The following SH3PXD2A variants were observed in gnomAD, a reference collection of about 807,000 sequenced individuals.
The protein encoded by SH3PXD2A is SH3 and PX domain-containing protein 2A.
SH3PXD2A carries 32 observed loss-of-function variants against 115.2 expected under a neutral mutation model. That is an observed-to-expected ratio of 0.28 (90% CI 0.21 to 0.37). The LOEUF (loss-of-function observed/expected upper bound fraction) is 0.37, where lower values mean the gene tolerates loss of function less well. Ranked by LOEUF, SH3PXD2A falls within the 10% of genes least tolerant of loss-of-function variation. SH3PXD2A has a pLI of 1.00. For missense variants in SH3PXD2A, 1,328 were observed against 1,498.7 expected (o/e 0.89, Z 1.88); for synonymous variants, 610 against 629.1 (o/e 0.97, Z 0.45).
intron 1 of SH3PXD2A, among the ~76,000 whole-genome samples, chr10:103,830,671 G>T (rs1387707049): frequency 6.6e-6 from 1 of 152,092 alleles, no homozygotes; most frequent in Non-Finnish European, 1.5e-5. Flanking sequence ...TAAAGTAGAG[G>T]CATACAACCA....
intron 6 of SH3PXD2A, chr10:103,673,321 T>C (rs1221405672): frequency 6.6e-6 from 1 of 152,210 alleles, no homozygotes; most frequent in Non-Finnish European, 1.5e-5. Flanking sequence ...CCCAGCACTT[T>C]GGGAGACCAC....
intron 3 of SH3PXD2A, among the ~76,000 whole-genome samples, chr10:103,737,551 A>G (rs1387570881): frequency 3.3e-5 from 5 of 152,204 alleles, no homozygotes; most frequent in African/African-American, 1.2e-4. Context: ...TTATCAGGCC[A>G]GTTAATCATG....
chr10:103,739,991 A>T (rs2038426699), intron 3 of SH3PXD2A, among the ~76,000 whole-genome samples: 3 of 152,162 alleles, frequency 2.0e-5, no homozygotes, highest in Admixed American at 2.0e-4. Context: ...CTGTGTGCTC[A>T]TCGGAGGCCT....
chr10:103,617,335 G>A (rs567552387), intron 10 of SH3PXD2A, 21 bp from the exon 11 acceptor site: 2 of 1,565,682 alleles, frequency 1.3e-6, no homozygotes, highest in African/African-American at 2.7e-5. Context: ...GAGCAAGCAA[G>A]CAAGATTATT....
At chr10:103,803,710 GA>G (rs2039169283) in intron 1 of SH3PXD2A, among the ~76,000 whole-genome samples, 1 of 152,218 alleles carries the variant, frequency 6.6e-6, no homozygotes, top group South Asian at 2.1e-4. Flanking sequence ...GATCAGGACT[GA>G]ATGACATTGT....
At chr10:103,732,461 A>G (rs1176032503) in intron 4 of SH3PXD2A, among the ~76,000 whole-genome samples, 2 of 152,256 alleles carry the variant, frequency 1.3e-5, no homozygotes, top group African/African-American at 4.8e-5. Flanking sequence ...GGCATGTGGT[A>G]AATTTTCCGT....
intron 6 of SH3PXD2A, among the ~76,000 whole-genome samples, chr10:103,685,372 GT>G (rs1480590332): frequency 2.7e-5 from 4 of 146,016 alleles, no homozygotes; most frequent in Non-Finnish European, 6.0e-5. Flanking sequence ...AGAGAATCCT[GT>G]GTCTGGCTGA....
At chr10:103,707,775 G>A (rs1401634307) in intron 5 of SH3PXD2A, among the ~76,000 whole-genome samples, 1 of 152,116 alleles carries the variant, frequency 6.6e-6, no homozygotes, top group African/African-American at 2.4e-5. Flanking sequence ...CACTAGCCCA[G>A]TGGCAGAGCT....
At chr10:103,604,418 C>T (rs2036269518) in intron 14 of SH3PXD2A, among the ~76,000 whole-genome samples, 1 of 152,204 alleles carries the variant, frequency 6.6e-6, no homozygotes, top group African/African-American at 2.4e-5. Context: ...AGGGGGCTTT[C>T]AGTCATTTCC....
At chr10:103,637,527 G>C (rs2036885243) in intron 8 of SH3PXD2A, among the ~76,000 whole-genome samples, 1 of 152,068 alleles carries the variant, frequency 6.6e-6, no homozygotes, top group Non-Finnish European at 1.5e-5. Flanking sequence ...CCTCATATAG[G>C]CTCGGGGTGG....
At chr10:103,735,598 G>T in intron 4 of SH3PXD2A, 134 bp downstream of exon 4, 1 of 717,964 alleles carries the variant, frequency 1.4e-6, no homozygotes, top group Non-Finnish European at 2.4e-6. Context: ...CCACCCCTCT[G>T]GCCAGGAAAC....
intron 1 of SH3PXD2A, among the ~76,000 whole-genome samples, chr10:103,826,583 C>T (rs1235527532): frequency 6.6e-6 from 1 of 152,202 alleles, no homozygotes. Context: ...CAGAGGATCC[C>T]AGGATTCTGA....
Position 103,661,099 on chromosome 10 carries a change from G to C in SH3PXD2A, c.488C>G (p.Ala163Gly), listed in dbSNP as rs1484613264. Residue 163 changes from alanine (A) to glycine (G), a missense_variant, in exon 8 of 15, where the codon GCC becomes GGC. Physicochemically the swap from Ala to Gly is moderately conservative, Grantham distance 60 (BLOSUM62 0). Coordinates refer to ENST00000369774, the MANE Select transcript of SH3PXD2A (RefSeq NM_001394015.1). The part of the protein sequence containing the change: ...KKDVTGADAT[A>G]EPMILEQYVV... Reference sequence around the variant, plus strand: ...GTACTGTTCCAGGATCATGGGCTCGGCGGTGGCGTCGGCACCTGGCGAGGG... The same window carrying C: ...GTACTGTTCCAGGATCATGGGCTCGCCGGTGGCGTCGGCACCTGGCGAGGG... 2 of 1,613,386 alleles carry C rather than the reference G, an allele frequency of 1.2e-6. No homozygotes were observed. Among genetic ancestry groups the C allele is most frequent in the African/African-American group, 2.7e-5 (2 of 74,902 alleles).
intron 8 of SH3PXD2A, among the ~76,000 whole-genome samples, chr10:103,630,571 G>A (rs888410965): frequency 7.9e-5 from 12 of 152,038 alleles, no homozygotes; most frequent in African/African-American, 2.2e-4. Context: ...ATTGCAGGGG[G>A]CATATGGGGT....
chr10:103,719,145 C>G (rs1016206457), intron 5 of SH3PXD2A, among the ~76,000 whole-genome samples: 2 of 152,248 alleles, frequency 1.3e-5, no homozygotes, highest in African/African-American at 4.8e-5. Flanking sequence ...GGCTATGGTA[C>G]TCTGTTCCAG....
intron 1 of SH3PXD2A, among the ~76,000 whole-genome samples, chr10:103,832,426 A>C (rs1251663973): frequency 1.3e-5 from 2 of 152,206 alleles, no homozygotes; most frequent in Non-Finnish European, 2.9e-5. Flanking sequence ...GGAGGAAATA[A>C]TAAATTTCTA....
At chr10:103,671,445 GA>G (rs2037457796) in intron 6 of SH3PXD2A, among the ~76,000 whole-genome samples, 2 of 152,172 alleles carry the variant, frequency 1.3e-5, no homozygotes, top group African/African-American at 4.8e-5. Context: ...CTCCGTAAAG[GA>G]AAATGGGAAG....
chr10:103,613,187 G>A lies in SH3PXD2A; in HGVS notation c.924C>T (p.Tyr308=), dbSNP rs1247690459. 30 of 1,592,886 alleles carry A rather than the reference G, an allele frequency of 1.9e-5. No individual in the cohort carries two copies. Among genetic ancestry groups the A allele is most frequent in the Non-Finnish European group, 2.5e-5 (29 of 1,171,156 alleles). Residue 308 remains tyrosine (Y), a synonymous_variant, in exon 12 of 15, where the codon TAC becomes TAT. Coordinates refer to ENST00000369774, the MANE Select transcript of SH3PXD2A (RefSeq NM_001394015.1). ...CTGGCGCCCAGCCCTCTTTGCCCAG[G>A]TATCTGTGGGGAGGAGCAGGATGTG... ...KNLEGWWYIR[Y]LGKEGWAPAS...
chr10:103,691,392 TCA>T (rs1340247599), intron 6 of SH3PXD2A, among the ~76,000 whole-genome samples: 2 of 152,112 alleles, frequency 1.3e-5, no homozygotes, highest in African/African-American at 4.8e-5. Context: ...TTGCCTAAGG[TCA>T]CACAGAGCCA....
Sources: allele counts gnomAD v4.1 joint callset (sites outside exome capture counted in the v4.1 genomes callset), GRCh38; gene constraint gnomAD v4.1.1; transcripts MANE v1.5; gene names NCBI Gene and HGNC (gene_info 2026-07-23, HGNC 2026-07-21).